The following GPAM variants were observed in gnomAD, a reference collection of about 807,000 sequenced individuals.
GPAM encodes the protein glycerol-3-phosphate acyltransferase, mitochondrial, also known as glycerol-3-phosphate acyltransferase 1, mitochondrial.
A neutral mutation model predicts 105.0 loss-of-function variants in GPAM; 56 were observed. The ratio of observed to expected loss-of-function variants is 0.53; its 90% CI spans 0.43 to 0.67. The LOEUF (loss-of-function observed/expected upper bound fraction) is 0.67. Among genes scored for constraint, GPAM ranks in the 30% least tolerant of loss-of-function variants. The pLI is 0.00. For missense variants in GPAM, 855 were observed against 989.8 expected, an observed-to-expected ratio of 0.86 and a Z score of 1.83; for synonymous variants, 368 against 354.4, an observed-to-expected ratio of 1.04 and a Z score of -0.43.
intron 19 of GPAM, 95 bp from the exon 20 acceptor site, chr10:112,156,148 G>T (rs770828989): frequency 6.2e-6 from 5 of 812,136 alleles, no homozygotes; most frequent in Non-Finnish European, 1.1e-5. Flanking sequence ...CCAGTAACGT[G>T]AGAAGATGGC....
intron 1 of GPAM, among the ~76,000 whole-genome samples, chr10:112,213,261 G>A (rs982353063): frequency 6.6e-6 from 1 of 152,134 alleles, no homozygotes; most frequent in East Asian, 1.9e-4. Flanking sequence ...AAAAAGCATG[G>A]GCTCTGAAGT....
At chr10:112,204,614 T>C (rs1007572984) in intron 1 of GPAM, among the ~76,000 whole-genome samples, 14 of 151,500 alleles carry the variant, frequency 9.2e-5, no homozygotes, top group African/African-American at 3.4e-4. Flanking sequence ...GATGAGGAAA[T>C]GAAGCTCACA....
upstream of GPAM, among the ~76,000 whole-genome samples, chr10:112,186,097 A>G (rs1160214224): frequency 6.6e-6 from 1 of 152,086 alleles, no homozygotes; most frequent in Non-Finnish European, 1.5e-5. Flanking sequence ...CAAAATGCCT[A>G]AAGCCACTGA....
At chr10:112,188,329 A>T (rs1847618634), upstream of GPAM, among the ~76,000 whole-genome samples, 1 of 152,202 alleles carries the variant, frequency 6.6e-6, no homozygotes, top group African/African-American at 2.4e-5. Context: ...CATTATTGAT[A>T]TTAGGAACAA....
chr10:112,189,053 T>G (rs1478293177), intron 1 of GPAM, among the ~76,000 whole-genome samples: 1 of 152,200 alleles, frequency 6.6e-6, no homozygotes, highest in Non-Finnish European at 1.5e-5. Flanking sequence ...GATCTACCCA[T>G]GTATAATAGC....
upstream of GPAM, among the ~76,000 whole-genome samples, chr10:112,215,874 T>C (rs1465055033): frequency 1.3e-5 from 2 of 152,212 alleles, no homozygotes; most frequent in East Asian, 3.9e-4. Context: ...CGTATTTGTC[T>C]TTAAGCAGTC....
At chr10:112,226,886 C>G in the GPAM span, among the ~76,000 whole-genome samples, 1 of 152,076 alleles carries the variant, frequency 6.6e-6, no homozygotes, top group African/African-American at 2.4e-5. Context: ...GTTTTATGCC[C>G]TGGGCTTAGA....
chr10:112,188,924 C>T (rs1847624886), intron 1 of GPAM, among the ~76,000 whole-genome samples: 2 of 152,202 alleles, frequency 1.3e-5, no homozygotes, highest in South Asian at 2.1e-4. Context: ...TACTAAACCT[C>T]ATATTCTTGA....
the GPAM span, among the ~76,000 whole-genome samples, chr10:112,223,465 T>C: frequency 6.6e-6 from 1 of 152,218 alleles, no homozygotes; most frequent in South Asian, 2.1e-4. Context: ...CACATCAAAC[T>C]AGGACATTCT....
chr10:112,193,599 T>TGCCACTGTA (rs1417341924), intron 1 of GPAM, among the ~76,000 whole-genome samples: 4 of 152,132 alleles, frequency 2.6e-5, no homozygotes, highest in Admixed American at 6.5e-5. Context: ...CCAGGAGAGG[T>TGCCACTGTA]CAGAATCTGT....
At chr10:112,167,643 G>C (rs536699179) in intron 11 of GPAM, among the ~76,000 whole-genome samples, 7 of 152,256 alleles carry the variant, frequency 4.6e-5, no homozygotes, top group Admixed American at 2.0e-4. Context: ...TTACGTAAGT[G>C]CAAAAATATG....
At chr10:112,175,833 G>T in intron 5 of GPAM, 120 bp from the exon 6 acceptor site, 1 of 690,210 alleles carries the variant, frequency 1.4e-6, no homozygotes. Context: ...TGAGATTTAG[G>T]GTTCTCCTAC....
intron 1 of GPAM, among the ~76,000 whole-genome samples, chr10:112,197,797 T>A (rs962046536): frequency 3.3e-5 from 5 of 151,952 alleles, no homozygotes; most frequent in African/African-American, 1.2e-4. Flanking sequence ...TTCATCCATG[T>A]CCCTACAAAG....
At chr10:112,158,207 A>G (rs955724370) in intron 18 of GPAM, 109 bp downstream of exon 18, 16 of 822,902 alleles carry the variant, frequency 1.9e-5, no homozygotes, top group Non-Finnish European at 3.2e-5. Context: ...CTGGGATTAC[A>G]GGCACATGCC....
the GPAM span, among the ~76,000 whole-genome samples, chr10:112,225,254 C>T: frequency 6.6e-6 from 1 of 152,150 alleles, no homozygotes; most frequent in Non-Finnish European, 1.5e-5. Flanking sequence ...TTCCAAAATC[C>T]CAGAGGAGAG....
chr10:112,152,146 A>T lies in GPAM; in HGVS notation c.*1404T>A, dbSNP rs1846931045. On this transcript the variant is annotated 3_prime_UTR_variant, in exon 22 of 22. Transcript: ENST00000348367. ...CAAACTTAATTCTCAGTACTTTTAT[A>T]CTAAATTCAAAGAATCTATGTAACA... is the stretch of plus-strand genomic sequence containing the variant. The T allele has an allele frequency of 1.0e-6, 1 of 972,908 alleles. No homozygotes were observed. The highest frequency in any genetic ancestry group is 6.1e-5 in the Admixed American group (1 of 16,268). 60.3% of individuals were successfully genotyped at this position (972,908 alleles called of 1,614,324 possible). A position where few individuals can be genotyped will look rare whatever the true frequency, so the allele number is the denominator to read the frequency against.
intron 1 of GPAM, among the ~76,000 whole-genome samples, chr10:112,212,756 T>C (rs1847926265): frequency 6.6e-6 from 1 of 152,206 alleles, no homozygotes; most frequent in Non-Finnish European, 1.5e-5. Flanking sequence ...TTTGTTCATC[T>C]GAAACACAGG....
chr10:112,191,642 A>T (rs1022342903), intron 1 of GPAM, among the ~76,000 whole-genome samples: 1 of 152,204 alleles, frequency 6.6e-6, no homozygotes, highest in Non-Finnish European at 1.5e-5. Context: ...ATTGCAACTA[A>T]CTGCCTTTTT....
intron 17 of GPAM, among the ~76,000 whole-genome samples, chr10:112,159,574 C>T (rs953476914): frequency 2.9e-4 from 44 of 152,230 alleles, no homozygotes; most frequent in African/African-American, 9.6e-4. Context: ...GTGGTTCCAT[C>T]ATCTACAGGT....
Sources: gnomAD v4.1 joint callset for allele counts (sites outside exome capture counted in the v4.1 genomes callset) on GRCh38, gnomAD v4.1.1 for gene constraint, MANE v1.5 for transcripts, NCBI Gene and HGNC (gene_info 2026-07-23, HGNC 2026-07-21) for gene names.